The following SLC7A11 variants were observed in gnomAD, a reference collection of about 807,000 sequenced individuals.
SLC7A11 encodes cystine/glutamate transporter.
SLC7A11 carries 35 observed loss-of-function variants against 54.5 expected under a neutral mutation model. The observed-to-expected ratio is 0.64, with a 90% confidence interval of 0.49 to 0.85. The LOEUF (loss-of-function observed/expected upper bound fraction) is 0.85, where lower values mean the gene tolerates loss of function less well. Ranked by LOEUF, SLC7A11 falls within the 40% of genes least tolerant of loss-of-function variation. SLC7A11 has a pLI of 0.00. For missense variants in SLC7A11, 583 were observed against 618.1 expected, an observed-to-expected ratio of 0.94 and a Z score of 0.60; for synonymous variants, 230 against 225.2, an observed-to-expected ratio of 1.02 and a Z score of -0.19.
intron 5 of SLC7A11, among the ~76,000 whole-genome samples, chr4:138,215,474 A>T (rs1261285341): frequency 6.6e-6 from 1 of 152,152 alleles, no homozygotes; most frequent in Non-Finnish European, 1.5e-5. Context: ...TAAATTCACA[A>T]GTAGTCAGTT....
Position 138,171,536 on chromosome 4 carries a change from T to C in SLC7A11, c.*420A>G, listed in dbSNP as rs1386958673. 6.5e-6 allele frequency: 1 copy of C among 154,362 alleles called. No homozygotes were observed. The highest frequency in any genetic ancestry group is 1.9e-4 in the East Asian group (1 of 5,272). The allele number at this position is 154,362 out of a possible 1,614,324, so 9.6% of individuals were successfully genotyped here. A position where few individuals can be genotyped will look rare whatever the true frequency, so the allele number is the denominator to read the frequency against. On this transcript the variant is annotated 3_prime_UTR_variant, in exon 12 of 12. Coordinates refer to ENST00000280612, the MANE Select transcript of SLC7A11 (RefSeq NM_014331.4). Reference sequence around the variant, plus strand: ...CATGATGTATGCTTTTTTTCAGAATTGAAAACACTTTTCACAGTATAGACA... The same window carrying C: ...CATGATGTATGCTTTTTTTCAGAATCGAAAACACTTTTCACAGTATAGACA...
At chr4:138,195,137 T>C (rs556652372) in intron 6 of SLC7A11, among the ~76,000 whole-genome samples, 5 of 152,292 alleles carry the variant, frequency 3.3e-5, no homozygotes, top group Non-Finnish European at 7.3e-5. Flanking sequence ...ATAATGATCA[T>C]TACAGAAGAT....
intron 6 of SLC7A11, among the ~76,000 whole-genome samples, chr4:138,203,659 T>G (rs1373627543): frequency 6.6e-6 from 1 of 152,122 alleles, no homozygotes; most frequent in East Asian, 1.9e-4. Context: ...AGTTACTTGC[T>G]TTTATTAAAA....
chr4:138,241,143 G>A (rs1738367685), intron 1 of SLC7A11, among the ~76,000 whole-genome samples: 1 of 152,158 alleles, frequency 6.6e-6, no homozygotes, highest in African/African-American at 2.4e-5. Context: ...AAGTGTATGG[G>A]TATTGAGAAG....
At chr4:138,231,221 A>C (rs1738069509) in intron 3 of SLC7A11, among the ~76,000 whole-genome samples, 1 of 152,158 alleles carries the variant, frequency 6.6e-6, no homozygotes, top group Admixed American at 6.5e-5. Context: ...GATGAAAATT[A>C]CTTAATATCT....
Position 138,178,356 on chromosome 4 carries a change from C to T in SLC7A11, c.1444+861G>A, listed in dbSNP as rs114493485. Among the ~76,000 whole-genome samples the T allele has an allele frequency of 3.1e-3, 466 of 152,172 alleles. 2 individuals carry two copies. The highest frequency in any genetic ancestry group is 6.9e-3 in the Middle Eastern group (2 of 290). On this transcript the variant is annotated intron_variant, in intron 11 of 11. Transcript: ENST00000280612. Reference sequence around the variant, plus strand: ...CATAGTATTCTATCATATTTATGTGCCACATTTTCCTTATCCATTCTATCA... The same window carrying T: ...CATAGTATTCTATCATATTTATGTGTCACATTTTCCTTATCCATTCTATCA...
chr4:138,224,620 C>A (rs1241391295), intron 3 of SLC7A11, among the ~76,000 whole-genome samples: 1 of 151,932 alleles, frequency 6.6e-6, no homozygotes, highest in Non-Finnish European at 1.5e-5. Flanking sequence ...ATGGAAATAG[C>A]CTAAACCTCC....
In SLC7A11 at chr4:138,237,700, AATATATATATATATATATATATATATAT is replaced by A. The variant is rs1168512229; in HGVS notation, c.278-1277_278-1250del. On this transcript the variant is annotated intron_variant, in intron 1 of 11. Transcript: ENST00000280612. ...AGTGTGAGCCACTGCGCCTAGCCAG[AATATATATATATATATATATATATATAT>A]ATATATATATTTTTTTTTTTTTTTT... is the stretch of plus-strand genomic sequence containing the variant. 4.8e-4 allele frequency among the ~76,000 whole-genome samples: 7 copies of A among 14,710 alleles called. No individual in the cohort carries two copies. The East Asian group carries it at 0.016, about 34-fold the overall frequency. 9.7% of individuals were successfully genotyped at this position (14,710 alleles called of 152,430 possible).
chr4:138,238,790 G>A (rs1262396045), intron 1 of SLC7A11, among the ~76,000 whole-genome samples: 5 of 151,774 alleles, frequency 3.3e-5, no homozygotes. Context: ...TTTTGTAGAG[G>A]CAGGGTTTTG....
At position 138,170,835 on chromosome 4, in the gene SLC7A11, G is replaced by T. The variant is rs1167934193; in HGVS notation, c.*1121C>A. On this transcript the variant is annotated 3_prime_UTR_variant, in exon 12 of 12. Coordinates refer to ENST00000280612, the MANE Select transcript of SLC7A11 (RefSeq NM_014331.4). ...GCGACATTTCTTTTGCAATTTTTAT[G>T]TTAATATATGCCTTTTCCTAATTAA... is the stretch of plus-strand genomic sequence containing the variant. 6.6e-6 allele frequency: 1 copy of T among 152,106 alleles called. No individual in the cohort carries two copies. The highest frequency in any genetic ancestry group is 1.5e-5 in the Non-Finnish European group (1 of 68,022). The allele number at this position is 152,106 out of a possible 1,614,324, so 9.4% of individuals were successfully genotyped here.
intron 2 of SLC7A11, among the ~76,000 whole-genome samples, chr4:138,233,865 G>C (rs1738142512): frequency 6.6e-6 from 1 of 152,116 alleles, no homozygotes; most frequent in Non-Finnish European, 1.5e-5. Flanking sequence ...CTTCCCACTA[G>C]AAGGATATGA....
intron 10 of SLC7A11, 37 bp downstream of exon 10, chr4:138,180,604 G>C (rs760149736): frequency 2.5e-6 from 4 of 1,602,592 alleles, no homozygotes; most frequent in Non-Finnish European, 3.4e-6. Context: ...TATTAGGAGA[G>C]AGATTTATGT....
chr4:138,242,071 G>GTA lies in SLC7A11; in HGVS notation c.-4_-3dup. On this transcript the variant is annotated 5_prime_UTR_variant, in exon 1 of 12. Coordinates refer to ENST00000280612, the MANE Select transcript of SLC7A11 (RefSeq NM_014331.4). Reference sequence around the variant, plus strand: ...GGACACAACAGGCTTTCTGACCATAGTAGGGACACACGGGGGAAAAATAAA... The same window carrying GTA: ...GGACACAACAGGCTTTCTGACCATAGTATAGGGACACACGGGGGAAAAATAAA... The GTA allele has an allele frequency of 6.2e-7, 1 of 1,613,668 alleles. No individual in the cohort carries two copies.
chr4:138,206,050 A>G (rs889355277), intron 6 of SLC7A11, among the ~76,000 whole-genome samples: 7 of 152,018 alleles, frequency 4.6e-5, no homozygotes, highest in African/African-American at 1.7e-4. Context: ...CAGTTCAAGG[A>G]AGTTATATTA....
chr4:138,188,415 G>T (rs1182448030), intron 6 of SLC7A11, among the ~76,000 whole-genome samples: 1 of 152,166 alleles, frequency 6.6e-6, no homozygotes, highest in Non-Finnish European at 1.5e-5. Context: ...TGGCAAAATA[G>T]CCACTAGCTT....
chr4:138,218,681 A>G (rs1737734993), intron 5 of SLC7A11, among the ~76,000 whole-genome samples: 1 of 152,190 alleles, frequency 6.6e-6, no homozygotes, highest in African/African-American at 2.4e-5. Flanking sequence ...TTAAATTTTC[A>G]GATGTTGGGG....
chr4:138,223,631 T>A (rs369798119), intron 3 of SLC7A11, among the ~76,000 whole-genome samples: 5 of 152,170 alleles, frequency 3.3e-5, no homozygotes, highest in African/African-American at 7.2e-5. Flanking sequence ...ACTCTAACAA[T>A]CACATAAAAA....
At chr4:138,188,662 C>T (rs1736937901) in intron 6 of SLC7A11, among the ~76,000 whole-genome samples, 1 of 152,146 alleles carries the variant, frequency 6.6e-6, no homozygotes, top group African/African-American at 2.4e-5. Flanking sequence ...AGACGCACAG[C>T]GCAGATAGCA....
rs1406910273 is a variant in SLC7A11 at position 138,164,760 on chromosome 4, C to T, written c.*7196G>A. ...ACCAGTTAGTTAGGATATTGAGGAT[C>T]ACTCTTTTTCAGCTGGATCTCTCTG... On this transcript the variant is annotated 3_prime_UTR_variant, in exon 12 of 12. Transcript: ENST00000280612. The T allele has an allele frequency of 1.3e-5, 2 of 152,076 alleles. No homozygotes were observed. Among genetic ancestry groups the T allele is most frequent in the Non-Finnish European group, 2.9e-5 (2 of 67,998 alleles). 9.4% of individuals were successfully genotyped at this position (152,076 alleles called of 1,614,324 possible).
Sources: allele counts gnomAD v4.1 joint callset (sites outside exome capture counted in the v4.1 genomes callset), GRCh38; gene constraint gnomAD v4.1.1; transcripts MANE v1.5; gene names NCBI Gene and HGNC (gene_info 2026-07-23, HGNC 2026-07-21).